Variants in PAPOLG observed in about 807,000 individuals in gnomAD.
PAPOLG encodes the protein PAP-gamma.
In PAPOLG, 40 loss-of-function variants were observed where a neutral mutation model predicts 99.0. That is an observed-to-expected ratio of 0.40 (90% CI 0.31 to 0.53). The LOEUF is 0.53. Among genes scored for constraint, PAPOLG ranks in the 20% least tolerant of loss-of-function variants. The probability of loss-of-function intolerance (pLI) is 0.41; values close to 1 mark genes in which losing one functional copy is unlikely to be tolerated. For missense variants in PAPOLG, 675 were observed against 884.1 expected, an observed-to-expected ratio of 0.76 and a Z score of 3.00; for synonymous variants, 310 against 299.3, an observed-to-expected ratio of 1.04 and a Z score of -0.37.
chr2:60,757,237 C>G (rs980630593), intron 1 of PAPOLG, among the ~76,000 whole-genome samples: 1 of 152,222 alleles, frequency 6.6e-6, no homozygotes, highest in South Asian at 2.1e-4. Context: ...TGCACACACG[C>G]ACACACACGG....
chr2:60,769,611 TATTA>T, intron 5 of PAPOLG, among the ~76,000 whole-genome samples: 1 of 152,344 alleles, frequency 6.6e-6, no homozygotes, highest in African/African-American at 2.4e-5. Flanking sequence ...ATCTCAACTG[TATTA>T]ATTAAATTTT....
At chr2:60,771,727 A>G (rs1670856690) in intron 7 of PAPOLG, 97 bp downstream of exon 7, 1 of 1,331,910 alleles carries the variant, frequency 7.5e-7, no homozygotes, top group Non-Finnish European at 1.0e-6. Context: ...TGGAGATTGG[A>G]CTCAGTTTAA....
In PAPOLG at chr2:60,781,877, T is replaced by A; in HGVS notation, c.907-8T>A. On this transcript the variant is annotated splice_region_variant and splice_polypyrimidine_tract_variant and intron_variant, in intron 10 of 21. Transcript: ENST00000238714. ...AATAGATCAGTTATTCTGCTTCTAA[T>A]TTCACAGGTAAATCCATCAGATAGG... The A allele has an allele frequency of 6.2e-7, 1 of 1,613,926 alleles. No individual in the cohort carries two copies. The highest frequency in any genetic ancestry group is 8.5e-7 in the Non-Finnish European group (1 of 1,179,888).
chr2:60,785,690 ATTTTTTTTT>A (rs774614184), intron 13 of PAPOLG, among the ~76,000 whole-genome samples: 2 of 136,438 alleles, frequency 1.5e-5, no homozygotes, highest in Non-Finnish European at 3.1e-5. Context: ...TACCTGGCTG[ATTTTTTTTT>A]TTTTTTTTAT....
chr2:60,795,055 T>C (rs752231113), intron 21 of PAPOLG, 35 bp downstream of exon 21: 1 of 1,544,702 alleles, frequency 6.5e-7, no homozygotes, highest in South Asian at 1.1e-5. Flanking sequence ...GTACAGTACA[T>C]AGGTAAAAAC....
intron 6 of PAPOLG, 67 bp from the exon 7 acceptor site, chr2:60,771,452 G>A: frequency 6.7e-7 from 1 of 1,484,002 alleles, no homozygotes; most frequent in Non-Finnish European, 8.9e-7. Flanking sequence ...TTTTTTGGTG[G>A]GATGGGAGAG....
intron 7 of PAPOLG, among the ~76,000 whole-genome samples, chr2:60,772,193 C>T (rs1386113260): frequency 2.6e-5 from 4 of 152,148 alleles, no homozygotes; most frequent in Admixed American, 2.6e-4. Context: ...CCTGTAATCC[C>T]AGCCCTTTGG....
intron 10 of PAPOLG, 159 bp from the exon 11 acceptor site, chr2:60,781,726 T>C (rs188794032): frequency 4.6e-4 from 211 of 462,174 alleles, no homozygotes; most frequent in Non-Finnish European, 5.7e-4. Context: ...CATATCCAAC[T>C]TCAGAAATAA....
chr2:60,794,585 T>G (rs1671641501), intron 19 of PAPOLG, 125 bp from the exon 20 acceptor site: 1 of 782,078 alleles, frequency 1.3e-6, no homozygotes, highest in Non-Finnish European at 2.0e-6. Flanking sequence ...TATCTTCTCT[T>G]ACCAATCCAT....
Position 60,797,120 on chromosome 2 carries a change from G to T in PAPOLG, c.2171G>T (p.Arg724Leu), listed in dbSNP as rs370675046. Reference sequence around the variant, plus strand: ...TCTCCAGTTCCAGCAAACAACATCCGTGTCATCAAAAATTCCATTCGACTG... The same window carrying T: ...TCTCCAGTTCCAGCAAACAACATCCTTGTCATCAAAAATTCCATTCGACTG... ...SSSPVPANNIRVIKNSIRLTL... is the reference protein window; with the variant it reads ...SSSPVPANNILVIKNSIRLTL... The change falls in exon 22 of 22, where the codon CGT becomes CTT. Residue 724 changes from arginine to leucine, a missense_variant. Physicochemically the swap from Arg to Leu is moderately radical, Grantham distance 102. Around this residue, in one of 3 missense-constraint regions of PAPOLG, gnomAD observed 413 missense variants for 460.5 expected, o/e 0.90. Coordinates refer to ENST00000238714, the MANE Select transcript of PAPOLG (RefSeq NM_022894.4). 1 of 1,613,938 alleles carries T rather than the reference G, an allele frequency of 6.2e-7. No homozygotes were observed. Among genetic ancestry groups the T allele is most frequent in the East Asian group, 2.2e-5 (1 of 44,874 alleles).
At position 60,797,157 on chromosome 2, in the gene PAPOLG, G is replaced by A; in HGVS notation, c.2208G>A (p.Arg736=). 6.2e-7 allele frequency: 1 copy of A among 1,613,930 alleles called. No individual in the cohort carries two copies. Among genetic ancestry groups the A allele is most frequent in the Non-Finnish European group, 8.5e-7 (1 of 1,179,896 alleles). The stretch of plus-strand genomic sequence containing the variant: ...ATTCCATTCGACTGACCCTTAATCG[G>A]TAAAAGCAGTGCCTCCTCACTTAAG... The part of the protein sequence containing the change: ...IKNSIRLTLN[R] The change falls in exon 22 of 22, where the codon CGG becomes CGA. Residue 736 remains arginine, a synonymous_variant. Coordinates refer to ENST00000238714, the MANE Select transcript of PAPOLG (RefSeq NM_022894.4).
chr2:60,774,198 TG>T (rs1036177910), intron 7 of PAPOLG, among the ~76,000 whole-genome samples: 1 of 142,474 alleles, frequency 7.0e-6, no homozygotes, highest in Non-Finnish European at 1.5e-5. Context: ...GGGTTCACGC[TG>T]TTGCCCCATC....
Position 60,781,873 on chromosome 2 carries a change from C to G in PAPOLG, c.907-12C>G. On this transcript the variant is annotated splice_polypyrimidine_tract_variant and intron_variant, in intron 10 of 21. Coordinates refer to ENST00000238714, the MANE Select transcript of PAPOLG (RefSeq NM_022894.4). ...GGAGAATAGATCAGTTATTCTGCTT[C>G]TAATTTCACAGGTAAATCCATCAGA... is the stretch of plus-strand genomic sequence containing the variant. 2 of 1,613,814 alleles carry G rather than the reference C, an allele frequency of 1.2e-6. No individual in the cohort carries two copies. Among genetic ancestry groups the G allele is most frequent in the Non-Finnish European group, 8.5e-7 (1 of 1,179,848 alleles).
At chr2:60,761,320 C>G (rs964389639) in intron 2 of PAPOLG, among the ~76,000 whole-genome samples, 5 of 152,106 alleles carry the variant, frequency 3.3e-5, no homozygotes, top group Non-Finnish European at 5.9e-5. Context: ...CAGAAATTAG[C>G]CAGTAATTAG....
chr2:60,764,779 A>G (rs1190288972), intron 3 of PAPOLG, among the ~76,000 whole-genome samples: 1 of 152,114 alleles, frequency 6.6e-6, no homozygotes, highest in East Asian at 1.9e-4. Flanking sequence ...TATGATGAAT[A>G]TGTAGAATTG....
At chr2:60,774,280 C>T (rs894166238) in intron 7 of PAPOLG, among the ~76,000 whole-genome samples, 1 of 151,268 alleles carries the variant, frequency 6.6e-6, no homozygotes, top group African/African-American at 2.4e-5. Flanking sequence ...AATGTTAACA[C>T]GGTGAAAAAA....
At position 60,793,024 on chromosome 2, in the gene PAPOLG, G is replaced by A. The variant is rs1044837378; in HGVS notation, c.1680-603G>A. Among the ~76,000 whole-genome samples the A allele has an allele frequency of 3.3e-5, 5 of 151,634 alleles. No homozygotes were observed. In the East Asian group the frequency reaches 9.8e-4, roughly 30 times the overall value. Reference sequence around the variant, plus strand: ...GCACTCCAGCCTAGGCAACAAGAGCGAGACTCTGTCTCAAAAAAACAAAAA... The same window carrying A: ...GCACTCCAGCCTAGGCAACAAGAGCAAGACTCTGTCTCAAAAAAACAAAAA... On this transcript the variant is annotated intron_variant, in intron 17 of 21. Transcript: ENST00000238714.
At chr2:60,772,702 C>A (rs902063425) in intron 7 of PAPOLG, among the ~76,000 whole-genome samples, 20 of 151,942 alleles carry the variant, frequency 1.3e-4, no homozygotes, top group Non-Finnish European at 1.6e-4. Flanking sequence ...GAGCTGAGAT[C>A]ATGCCACCAC....
At chr2:60,767,410 T>C (rs1228750596) in intron 3 of PAPOLG, among the ~76,000 whole-genome samples, 1 of 151,680 alleles carries the variant, frequency 6.6e-6, no homozygotes, top group Non-Finnish European at 1.5e-5. Flanking sequence ...GCTCAAGCAG[T>C]TGTCCCATTG....
Sources: allele counts gnomAD v4.1 joint callset (sites outside exome capture counted in the v4.1 genomes callset), GRCh38; gene constraint gnomAD v4.1.1; regional missense constraint gnomAD v4.1.1; transcripts MANE v1.5; gene names NCBI Gene and HGNC (gene_info 2026-07-23, HGNC 2026-07-21).